The following ROBO2 variants were observed in gnomAD, a reference collection of about 807,000 sequenced individuals.
ROBO2 encodes the protein roundabout guidance receptor 2, also known as roundabout homolog 2.
A neutral mutation model predicts 160.8 loss-of-function variants in ROBO2; 53 were observed. That is an observed-to-expected ratio of 0.33 (90% CI 0.26 to 0.41). ROBO2 has a LOEUF of 0.41. ROBO2 is among the 10% of genes least tolerant of loss of function. The pLI, the probability that ROBO2 is intolerant of heterozygous loss-of-function variation, is 1.00. For synonymous variants in ROBO2, 664 were observed against 611.7 expected (o/e 1.09, Z -1.26); for missense variants, 1,577 against 1,722.4 (o/e 0.92, Z 1.49).
At chr3:77,402,468 G>A (rs888259019) in intron 2 of ROBO2, among the ~76,000 whole-genome samples, 4 of 152,096 alleles carry the variant, frequency 2.6e-5, no homozygotes, top group Admixed American at 1.3e-4. Context: ...ATAATAATTG[G>A]TTGCAGCCCA....
At chr3:76,380,665 G>A (rs1434632406) in intron 2 of ROBO2, among the ~76,000 whole-genome samples, 1 of 152,052 alleles carries the variant, frequency 6.6e-6, no homozygotes, top group Non-Finnish European at 1.5e-5. Flanking sequence ...TTATCAGTAT[G>A]GCTCCTAGTC....
intron 2 of ROBO2, among the ~76,000 whole-genome samples, chr3:76,944,339 A>T (rs1323382873): frequency 6.6e-6 from 1 of 152,206 alleles, no homozygotes; most frequent in African/African-American, 2.4e-5. Flanking sequence ...ACAAGGAGAA[A>T]TATTTGGTAT....
intron 2 of ROBO2, among the ~76,000 whole-genome samples, chr3:76,033,681 G>A (rs369058450): frequency 1.3e-4 from 20 of 152,302 alleles, no homozygotes; most frequent in African/African-American, 4.3e-4. Context: ...AGCAATATGG[G>A]CAGGATGAAG....
chr3:76,018,798 G>T (rs1419642879), intron 2 of ROBO2, among the ~76,000 whole-genome samples: 4 of 150,856 alleles, frequency 2.7e-5, no homozygotes, highest in Admixed American at 2.6e-4. Context: ...TTGCATTGTG[G>T]CCTCCCAACA....
At chr3:76,600,249 A>G (rs975010728) in intron 2 of ROBO2, among the ~76,000 whole-genome samples, 17 of 152,138 alleles carry the variant, frequency 1.1e-4, no homozygotes, top group African/African-American at 3.9e-4. Flanking sequence ...TCCAGTTTCA[A>G]TCTTCTGCAT....
intron 2 of ROBO2, among the ~76,000 whole-genome samples, chr3:76,918,611 T>C (rs1461258737): frequency 6.6e-6 from 1 of 152,242 alleles, no homozygotes; most frequent in East Asian, 1.9e-4. Flanking sequence ...ATTTCTTGAT[T>C]GATCATGAGT....
intron 2 of ROBO2, among the ~76,000 whole-genome samples, chr3:76,389,434 T>C (rs1356331970): frequency 6.6e-6 from 1 of 152,148 alleles, no homozygotes; most frequent in Non-Finnish European, 1.5e-5. Flanking sequence ...CCACTACAAG[T>C]TTTGAAGGGA....
At chr3:76,290,017 C>A (rs1708726514) in intron 2 of ROBO2, among the ~76,000 whole-genome samples, 1 of 151,826 alleles carries the variant, frequency 6.6e-6, no homozygotes, top group African/African-American at 2.4e-5. Context: ...TTTTTTTTCC[C>A]TAATTCTATA....
At chr3:77,044,819 A>G (rs2064474110) in intron 1 of ROBO2, among the ~76,000 whole-genome samples, 1 of 152,186 alleles carries the variant, frequency 6.6e-6, no homozygotes, top group Non-Finnish European at 1.5e-5. Flanking sequence ...AGTTCAAGCA[A>G]ACAGTGGAGA....
intron 2 of ROBO2, among the ~76,000 whole-genome samples, chr3:76,012,062 C>T (rs2066210174): frequency 1.3e-5 from 2 of 152,040 alleles, no homozygotes; most frequent in Non-Finnish European, 2.9e-5. Flanking sequence ...CAAACTCTTG[C>T]CAAACAAGAA....
At chr3:77,521,566 A>G (rs912727268) in intron 5 of ROBO2, among the ~76,000 whole-genome samples, 5 of 151,304 alleles carry the variant, frequency 3.3e-5, no homozygotes, top group Non-Finnish European at 5.9e-5. Context: ...ATATTTAATA[A>G]GCAGAATTTT....
chr3:76,248,498 G>A (rs1432315012), intron 2 of ROBO2, among the ~76,000 whole-genome samples: 10 of 145,690 alleles, frequency 6.9e-5, no homozygotes, highest in African/African-American at 1.6e-4. Context: ...TGGTGGGGTC[G>A]GGGGAGGGGG....
At chr3:77,533,253 T>C (rs2091878141) in intron 6 of ROBO2, among the ~76,000 whole-genome samples, 1 of 152,148 alleles carries the variant, frequency 6.6e-6, no homozygotes, top group Non-Finnish European at 1.5e-5. Flanking sequence ...CCTATAAGAC[T>C]CTCTCCTCAT....
chr3:76,538,591 CA>C (rs138173637), intron 2 of ROBO2, among the ~76,000 whole-genome samples: 2 of 151,982 alleles, frequency 1.3e-5, no homozygotes, highest in African/African-American at 4.8e-5. Context: ...TTTTCTTTTT[CA>C]AATTTATTTT....
intron 2 of ROBO2, among the ~76,000 whole-genome samples, chr3:76,574,447 G>GGT (rs2085158126): frequency 6.6e-6 from 1 of 152,182 alleles, no homozygotes; most frequent in African/African-American, 2.4e-5. Flanking sequence ...GATGTTAGCA[G>GGT]GAGTCAGCTT....
intron 17 of ROBO2, among the ~76,000 whole-genome samples, chr3:77,590,602 T>C (rs2094156907): frequency 6.6e-6 from 1 of 152,134 alleles, no homozygotes; most frequent in African/African-American, 2.4e-5. Flanking sequence ...TCCCTTTGCT[T>C]GATGTTAGCA....
intron 2 of ROBO2, among the ~76,000 whole-genome samples, chr3:76,170,829 A>G (rs971319072): frequency 2.6e-5 from 4 of 152,180 alleles, no homozygotes; most frequent in Non-Finnish European, 5.9e-5. Context: ...TTTTGTAGCT[A>G]TTCATTTTGA....
At chr3:77,155,076 T>G (rs1359758015) in intron 2 of ROBO2, among the ~76,000 whole-genome samples, 2 of 151,764 alleles carry the variant, frequency 1.3e-5, no homozygotes. Context: ...AATAAATAAA[T>G]AAATAAAATG....
chr3:76,377,199 A>T (rs2076390586), intron 2 of ROBO2, among the ~76,000 whole-genome samples: 1 of 152,178 alleles, frequency 6.6e-6, no homozygotes, highest in African/African-American at 2.4e-5. Context: ...TGAAAGAAAT[A>T]GTCATAAAAT....
Sources: gnomAD v4.1 joint callset for allele counts (sites outside exome capture counted in the v4.1 genomes callset) on GRCh38, gnomAD v4.1.1 for gene constraint, MANE v1.5 for transcripts, NCBI Gene and HGNC (gene_info 2026-07-23, HGNC 2026-07-21) for gene names.